Variants in CPNE1 observed in about 807,000 individuals in gnomAD.
CPNE1 encodes the protein copine 1.
Under a neutral mutation model 63.2 loss-of-function variants are expected in CPNE1, and 58 were observed. The ratio of observed to expected loss-of-function variants is 0.92; its 90% CI spans 0.74 to 1.14. The LOEUF is 1.14. Ranked by LOEUF, CPNE1 falls within the 50% of genes most tolerant of loss-of-function variation. The pLI is 0.00. For synonymous variants in CPNE1, 237 were observed against 249.0 expected (o/e 0.95, Z 0.45); for missense variants, 672 against 661.7 (o/e 1.02, Z -0.17).
rs749579304 is a variant in CPNE1 at position 35,632,575 on chromosome 20, T to C, written c.251A>G (p.Lys84Arg). The C allele has an allele frequency of 8.1e-6, 13 of 1,613,830 alleles. No homozygotes were observed. Among genetic ancestry groups the C allele is most frequent in the Non-Finnish European group, 1.0e-5 (12 of 1,179,780 alleles). Residue 84 changes from lysine to arginine, a missense_variant, in exon 3 of 16, where the codon AAG becomes AGG. Physicochemically the swap from Lys to Arg is conservative, Grantham distance 26. Transcript: ENST00000397443. Reference protein sequence around the residue: ...LRFGIYDIDNKTPELRDDDFL... With the variant: ...LRFGIYDIDNRTPELRDDDFL... ...GTCATCATCCCTCAGCTCTGGCGTC[T>C]TGTTGTCTATGTCATAGATTCCAAA... is the stretch of plus-strand genomic sequence containing the variant.
Position 35,632,369 on chromosome 20 carries a change from A to AC in CPNE1, c.325dup (p.Val109GlyfsTer43), listed in dbSNP as rs569804959. ...CTTCAGCATCAAGGGGAGAGTCAGT[A>AC]CCTGGCTGGACACAATCTGGGGAAA... On this transcript the variant is annotated frameshift_variant, in exon 4 of 16. Coordinates refer to ENST00000397443, the MANE Select transcript of CPNE1 (RefSeq NM_152925.3). LOFTEE classifies it high-confidence loss of function. 1,830 of 1,614,050 alleles carry AC rather than the reference A, an allele frequency of 1.1e-3. 2 individuals are homozygous for AC. The highest frequency in any genetic ancestry group is 1.5e-3 in the Non-Finnish European group (1,750 of 1,179,984).
In CPNE1 at chr20:35,626,394, G is replaced by A. The variant is rs1245742641; in HGVS notation, c.1474-13C>T. Reference sequence around the variant, plus strand: ...CCTCCCGAGGGGCCTGCCAAGAAAAGGGAAAAGTCAGTGGTGGCCCAGAAC... The same window carrying A: ...CCTCCCGAGGGGCCTGCCAAGAAAAAGGAAAAGTCAGTGGTGGCCCAGAAC... On this transcript the variant is annotated splice_polypyrimidine_tract_variant and intron_variant, in intron 15 of 15. Transcript: ENST00000397443. The A allele has an allele frequency of 6.2e-7, 1 of 1,613,246 alleles. No homozygotes were observed. Among genetic ancestry groups the A allele is most frequent in the Non-Finnish European group, 8.5e-7 (1 of 1,179,422 alleles).
intron 1 of CPNE1, among the ~76,000 whole-genome samples, chr20:35,657,707 A>C (rs984510294): frequency 1.6e-4 from 24 of 152,248 alleles, no homozygotes; most frequent in Admixed American, 5.9e-4. Context: ...AGTGGAATAC[A>C]AGATTTATTC....
chr20:35,653,176 T>C (rs756360279), intron 1 of CPNE1: 2 of 1,613,530 alleles, frequency 1.2e-6, no homozygotes, highest in Admixed American at 1.7e-5. Flanking sequence ...AGGCCCATTA[T>C]TGGCTTCCTT....
chr20:35,630,828 G>GT, intron 11 of CPNE1, 33 bp from the exon 12 acceptor site: 3 of 1,608,770 alleles, frequency 1.9e-6, no homozygotes, highest in African/African-American at 1.3e-5. Context: ...GCAAAAGGCA[G>GT]TGAGGGGACT....
intron 1 of CPNE1, chr20:35,658,882 CT>C: frequency 1.4e-6 from 1 of 709,550 alleles, no homozygotes; most frequent in Non-Finnish European, 2.6e-6. Context: ...AATAAGCTAT[CT>C]CATTTTATTT....
At chr20:35,659,021 T>C (rs1334562690) in intron 1 of CPNE1, 11 of 713,802 alleles carry the variant, frequency 1.5e-5, no homozygotes, top group South Asian at 3.0e-5. Flanking sequence ...TAGACTGCAA[T>C]AGAGAATAAA....
At chr20:35,643,033 A>T (rs1263899515) in intron 1 of CPNE1, 1 of 152,338 alleles carries the variant, frequency 6.6e-6, no homozygotes, top group Non-Finnish European at 1.5e-5. Flanking sequence ...AGTTGAACAA[A>T]TCTGACCACT....
At chr20:35,631,848 C>T (rs940695076) in intron 6 of CPNE1, 71 bp from the exon 7 acceptor site, 93 of 1,540,372 alleles carry the variant, frequency 6.0e-5, no homozygotes, top group African/African-American at 2.8e-5. Context: ...ACTTCTCTAC[C>T]CACCTGCAGT....
chr20:35,652,346 G>A lies in CPNE1; in HGVS notation c.-1+12414C>T. The A allele has an allele frequency of 5.9e-6, 4 of 678,978 alleles. No homozygotes were observed. In the South Asian group the frequency reaches 8.1e-5, roughly 14 times the overall value. The allele number at this position is 678,978 out of a possible 1,614,324, so 42.1% of individuals were successfully genotyped here. A position where few individuals can be genotyped will look rare whatever the true frequency, so the allele number is the denominator to read the frequency against. On this transcript the variant is annotated intron_variant, in intron 1 of 15. Coordinates refer to ENST00000397443, the MANE Select transcript of CPNE1 (RefSeq NM_152925.3). ...TAGCTTTACTGTAACATACAGCAAT[G>A]TTTATCCTGGTGAGTGAGTCTTCTG...
chr20:35,640,254 C>T (rs2032729649), intron 1 of CPNE1, among the ~76,000 whole-genome samples: 2 of 152,168 alleles, frequency 1.3e-5, no homozygotes. Context: ...TACCTCTAAG[C>T]CTATCTCTGC....
chr20:35,642,797 T>G (rs759153804), intron 1 of CPNE1, among the ~76,000 whole-genome samples: 3 of 152,150 alleles, frequency 2.0e-5, no homozygotes, highest in Non-Finnish European at 4.4e-5. Flanking sequence ...AAACTGAAAT[T>G]TTCAATAAAT....
At position 35,631,000 on chromosome 20, in the gene CPNE1, G is replaced by A; in HGVS notation, c.896C>T (p.Pro299Leu). Residue 299 changes from proline (P) to leucine (L), a missense_variant, in exon 11 of 16, where the codon CCC becomes CTC. Physicochemically the swap from Pro to Leu is moderately conservative, Grantham distance 98. Coordinates refer to ENST00000397443, the MANE Select transcript of CPNE1 (RefSeq NM_152925.3). ...GVDFTGSNGD[P>L]SSPDSLHYLS... ...GTAGTGTAGGGAGTCAGGTGAGGAG[G>A]GGTCTCCATTGGAGCCAGTGAAGTC... 6.2e-7 allele frequency: 1 copy of A among 1,613,780 alleles called. No individual in the cohort carries two copies. Among genetic ancestry groups the A allele is most frequent in the Non-Finnish European group, 8.5e-7 (1 of 1,179,920 alleles).
rs746928595 is a variant in CPNE1, at chr20:35,658,798, CAA to C, written c.-1+5960_-1+5961del. The C allele has an allele frequency of 2.8e-3, 1,427 of 507,498 alleles. 6 individuals are homozygous for C. Among genetic ancestry groups the C allele is most frequent in the Non-Finnish European group, 4.0e-3 (1,163 of 293,786 alleles). 31.4% of individuals were successfully genotyped at this position (507,498 alleles called of 1,614,324 possible). The stretch of plus-strand genomic sequence containing the variant: ...CGTCTCAAAACAAAAAACAAGCAAA[CAA>C]AAACACACACACACACACACACACA... On this transcript the variant is annotated intron_variant, in intron 1 of 15. Coordinates refer to ENST00000397443, the MANE Select transcript of CPNE1 (RefSeq NM_152925.3).
chr20:35,643,675 G>A (rs571487928), intron 1 of CPNE1, among the ~76,000 whole-genome samples: 3 of 152,184 alleles, frequency 2.0e-5, no homozygotes, highest in South Asian at 2.1e-4. Flanking sequence ...CCCAGGAGGC[G>A]GAGCTGAGAT....
intron 1 of CPNE1, chr20:35,651,464 C>T (rs1208801052): frequency 6.6e-6 from 1 of 152,202 alleles, no homozygotes; most frequent in Non-Finnish European, 1.5e-5. Flanking sequence ...AATCTACGAA[C>T]CAGCATACGG....
At chr20:35,662,981 G>A (rs1266998200) in intron 1 of CPNE1, among the ~76,000 whole-genome samples, 2 of 152,020 alleles carry the variant, frequency 1.3e-5, no homozygotes, top group South Asian at 4.1e-4. Context: ...ACATTTAATC[G>A]AGCATATATA....
Position 35,631,009 on chromosome 20 carries a change from T to A in CPNE1, c.887A>T (p.Asn296Ile). ...GGAGTCAGGTGAGGAGGGGTCTCCA[T>A]TGGAGCCAGTGAAGTCCACGCCCAC... ...FTVGVDFTGS[N>I]GDPSSPDSLH... is the part of the protein sequence containing the mutation. Residue 296 changes from asparagine (N) to isoleucine (I), a missense_variant, in exon 11 of 16, where the codon AAT (asparagine) becomes ATT (isoleucine). By Grantham distance (149) the Asn-to-Ile change is moderately radical. Transcript: ENST00000397443. The A allele has an allele frequency of 1.9e-6, 3 of 1,613,692 alleles. No individual in the cohort carries two copies. The highest frequency in any genetic ancestry group is 2.5e-6 in the Non-Finnish European group (3 of 1,179,868).
In CPNE1 at chr20:35,632,550, G is replaced by A. The variant is rs1403004105; in HGVS notation, c.276C>T (p.Asp92=). ...DNKTPELRDD[D]FLGGAECSLG... The stretch of plus-strand genomic sequence containing the variant: ...GGGAACACTCAGCACCCCCTAGGAA[G>A]TCATCATCCCTCAGCTCTGGCGTCT... The change falls in exon 3 of 16, where the codon GAC becomes GAT. Residue 92 remains aspartate (D), a synonymous_variant. Coordinates refer to ENST00000397443, the MANE Select transcript of CPNE1 (RefSeq NM_152925.3). 6.2e-7 allele frequency: 1 copy of A among 1,614,044 alleles called. No homozygotes were observed. The highest frequency in any genetic ancestry group is 2.2e-5 in the East Asian group (1 of 44,886).
Sources: gnomAD v4.1 joint callset for allele counts (sites outside exome capture counted in the v4.1 genomes callset) on GRCh38, gnomAD v4.1.1 for gene constraint, MANE v1.5 for transcripts, NCBI Gene and HGNC (gene_info 2026-07-23, HGNC 2026-07-21) for gene names.